The following NAALADL2 variants were observed in gnomAD, a reference collection of about 807,000 sequenced individuals.
The protein encoded by NAALADL2 is N-acetylated alpha-linked acidic dipeptidase like 2.
In NAALADL2, 76 loss-of-function variants were observed where a neutral mutation model predicts 87.2. The ratio of observed to expected loss-of-function variants is 0.87; its 90% CI spans 0.72 to 1.05. The LOEUF (loss-of-function observed/expected upper bound fraction) is 1.05, where lower values mean the gene tolerates loss of function less well. Among genes scored for constraint, NAALADL2 ranks in the 50% least tolerant of loss-of-function variants. The pLI is 0.00. For missense variants in NAALADL2, 1,089 were observed against 945.8 expected (o/e 1.15, Z -1.99); for synonymous variants, 354 against 331.0 (o/e 1.07, Z -0.75).
intron 4 of NAALADL2, chr3:175,256,818 AT>A (rs1477748716): frequency 5.0e-6 from 1 of 201,542 alleles, no homozygotes; most frequent in Non-Finnish European, 9.9e-6. Context: ...TAAAATTGGC[AT>A]ACTCTTCATA....
intron 3 of NAALADL2, among the ~76,000 whole-genome samples, chr3:174,748,126 A>G (rs549673480): frequency 6.6e-6 from 1 of 151,770 alleles, no homozygotes; most frequent in African/African-American, 2.4e-5. Context: ...ACACATAGAC[A>G]CAGGGAGGGG....
intron 2 of NAALADL2, among the ~76,000 whole-genome samples, chr3:174,622,853 A>T (rs1026844109): frequency 2.0e-5 from 3 of 152,024 alleles, no homozygotes; most frequent in Non-Finnish European, 4.4e-5. Context: ...ATCCTGGCTA[A>T]CTTGGTGAAA....
intron 12 of NAALADL2, among the ~76,000 whole-genome samples, chr3:175,737,679 A>G (rs1020277348): frequency 4.9e-5 from 7 of 142,604 alleles, no homozygotes; most frequent in Non-Finnish European, 3.0e-5. Flanking sequence ...TATTATTTAC[A>G]GGTTTCATGT....
chr3:174,800,398 C>G (rs1024153994), intron 3 of NAALADL2, among the ~76,000 whole-genome samples: 5 of 152,184 alleles, frequency 3.3e-5, no homozygotes, highest in Non-Finnish European at 7.3e-5. Flanking sequence ...CAAGCCTTGG[C>G]AGCTTCCATG....
chr3:174,606,434 C>A (rs997452647), intron 2 of NAALADL2, among the ~76,000 whole-genome samples: 41 of 151,988 alleles, frequency 2.7e-4, no homozygotes, highest in African/African-American at 9.7e-4. Flanking sequence ...AAAATTTAGA[C>A]GAATGTATAA....
Position 174,721,511 on chromosome 3 carries a change from A to G in NAALADL2, c.-114-16130A>G, listed in dbSNP as rs747985837. Among the ~76,000 whole-genome samples the G allele has an allele frequency of 4.3e-4, 66 of 152,334 alleles. No individual in the cohort carries two copies. In the Middle Eastern group the frequency reaches 0.024, roughly 55 times the overall value. ...AATTCCGTAATTTTGAATGGCGACT[A>G]TCCTTAAAGGAAGATATGGCTCCTT... On this transcript the variant is annotated intron_variant, in intron 2 of 3. Coordinates refer to the NAALADL2 transcript ENST00000434257.
chr3:175,630,634 T>G (rs1727631004), intron 11 of NAALADL2, among the ~76,000 whole-genome samples: 1 of 151,756 alleles, frequency 6.6e-6, no homozygotes, highest in Non-Finnish European at 1.5e-5. Context: ...TGTGTACAAA[T>G]AGAATATAAA....
chr3:174,832,842 A>G (rs772200722), intron 3 of NAALADL2, among the ~76,000 whole-genome samples: 12 of 152,204 alleles, frequency 7.9e-5, no homozygotes, highest in Non-Finnish European at 1.6e-4. Context: ...ACTGAAAGCA[A>G]GTAGTGGCTG....
chr3:174,904,141 G>A lies in NAALADL2; in HGVS notation c.43+44691G>A, dbSNP rs570593949. ...ATTTAAACCAGTCTCCTAGAGTAATGCAACATATACAATCCACCTTATTTG... is the reference window on the plus strand; with the variant it reads ...ATTTAAACCAGTCTCCTAGAGTAATACAACATATACAATCCACCTTATTTG... On this transcript the variant is annotated intron_variant, in intron 1 of 13. Coordinates refer to ENST00000454872, the MANE Select transcript of NAALADL2 (RefSeq NM_207015.3). Among the ~76,000 whole-genome samples, 40 of 151,720 alleles carry A rather than the reference G, an allele frequency of 2.6e-4. No homozygotes were observed. In the South Asian group the frequency reaches 7.9e-3, roughly 30 times the overall value.
chr3:175,636,710 A>G (rs112379491), intron 11 of NAALADL2, among the ~76,000 whole-genome samples: 24,785 of 150,594 alleles, frequency 0.16, 2,153 homozygotes, highest in Middle Eastern at 0.23. Flanking sequence ...AAAAAAAAAA[A>G]AAAAGAAAAA....
chr3:174,742,416 TC>T (rs1219718439), intron 3 of NAALADL2, among the ~76,000 whole-genome samples: 1 of 151,692 alleles, frequency 6.6e-6, no homozygotes, highest in Non-Finnish European at 1.5e-5. Flanking sequence ...GTCATGGGCT[TC>T]AGGTCAAATA....
chr3:174,633,363 C>A (rs1722333739), intron 2 of NAALADL2, among the ~76,000 whole-genome samples: 1 of 152,098 alleles, frequency 6.6e-6, no homozygotes, highest in Admixed American at 6.5e-5. Flanking sequence ...CTTTAAAACA[C>A]TTAAAGCTTT....
chr3:175,202,535 G>C (rs1468141320), intron 2 of NAALADL2, among the ~76,000 whole-genome samples: 1 of 152,140 alleles, frequency 6.6e-6, no homozygotes, highest in African/African-American at 2.4e-5. Flanking sequence ...ATTTTAGCAT[G>C]CTTGGCCAAC....
intron 1 of NAALADL2, among the ~76,000 whole-genome samples, chr3:174,915,427 C>T (rs181610864): frequency 2.0e-5 from 3 of 152,230 alleles, no homozygotes; most frequent in South Asian, 4.1e-4. Flanking sequence ...TCTTTCTAGA[C>T]CCAGCTTTCC....
chr3:175,294,634 C>T (rs1471192621), intron 4 of NAALADL2, among the ~76,000 whole-genome samples: 2 of 152,114 alleles, frequency 1.3e-5, no homozygotes, highest in African/African-American at 2.4e-5. Flanking sequence ...CTGTTTAACT[C>T]TAAAGTTTAA....
chr3:175,218,860 C>T (rs1409978961), intron 2 of NAALADL2, among the ~76,000 whole-genome samples: 1 of 151,650 alleles, frequency 6.6e-6, no homozygotes, highest in East Asian at 1.9e-4. Flanking sequence ...GGCTGGAGTG[C>T]AATCGCGCAA....
intron 4 of NAALADL2, among the ~76,000 whole-genome samples, chr3:175,259,608 A>AT (rs1750664113): frequency 6.6e-6 from 1 of 152,242 alleles, no homozygotes; most frequent in Admixed American, 6.5e-5. Context: ...GGCCAATTAT[A>AT]TAACTGGTTA....
chr3:175,012,388 G>A (rs564433079), intron 1 of NAALADL2, among the ~76,000 whole-genome samples: 3 of 152,064 alleles, frequency 2.0e-5, no homozygotes, highest in South Asian at 2.1e-4. Context: ...GGCTGGTCTC[G>A]AACTCCTGAC....
intron 11 of NAALADL2, among the ~76,000 whole-genome samples, chr3:175,716,244 CATATATA>C (rs529736537): frequency 1.2e-3 from 177 of 142,394 alleles, no homozygotes; most frequent in African/African-American, 4.5e-3. Flanking sequence ...TATTGGAATA[CATATATA>C]ATATATGTAT....
Sources: allele counts gnomAD v4.1 joint callset (sites outside exome capture counted in the v4.1 genomes callset), GRCh38; gene constraint gnomAD v4.1.1; transcripts MANE v1.5; gene names NCBI Gene and HGNC (gene_info 2026-07-23, HGNC 2026-07-21).